CDH12: variants seen among roughly 807,000 people sequenced by gnomAD.
CDH12 encodes cadherin-12.
A neutral mutation model predicts 74.1 loss-of-function variants in CDH12; 41 were observed. The observed-to-expected ratio is 0.55, with a 90% CI of 0.43 to 0.72. The LOEUF is 0.72. CDH12 is among the 30% of genes least tolerant of loss of function. The pLI, the probability that CDH12 is intolerant of heterozygous loss-of-function variation, is 0.00. For synonymous variants in CDH12, 399 were observed against 355.0 expected (o/e 1.12, Z -1.39); for missense variants, 945 against 977.2 (o/e 0.97, Z 0.44).
intron 6 of CDH12, among the ~76,000 whole-genome samples, chr5:21,898,388 C>T (rs192939695): frequency 3.5e-4 from 53 of 152,070 alleles, no homozygotes; most frequent in Non-Finnish European, 7.2e-4. Context: ...TGCACTCAAC[C>T]TAAAATTTCT....
At chr5:22,245,119 T>C (rs1044969075) in intron 3 of CDH12, among the ~76,000 whole-genome samples, 15 of 152,300 alleles carry the variant, frequency 9.8e-5, no homozygotes, top group Middle Eastern at 3.4e-3. Flanking sequence ...TAGGGCCTTA[T>C]TGATTATAGT....
rs569387760 is a variant in CDH12 at position 22,815,140 on chromosome 5, T to C, written c.-523+37918A>G. 3.9e-5 allele frequency among the ~76,000 whole-genome samples: 6 copies of C among 152,214 alleles called. No homozygotes were observed. The East Asian group carries it at 5.8e-4, about 15-fold the overall frequency. On this transcript the variant is annotated intron_variant, in intron 1 of 14. Coordinates refer to ENST00000382254, the MANE Select transcript of CDH12 (RefSeq NM_004061.5). The stretch of plus-strand genomic sequence containing the variant: ...AGATCCTGGAATTAGTTGGCGATGA[T>C]CACATGCAACTCTTGTTCAGCAAAG...
At chr5:21,872,802 C>G (rs1399053708) in intron 6 of CDH12, among the ~76,000 whole-genome samples, 1 of 151,024 alleles carries the variant, frequency 6.6e-6, no homozygotes, top group Non-Finnish European at 1.5e-5. Context: ...ATCTATCTAT[C>G]TATCTATCTA....
chr5:22,245,911 A>T (rs180941765), intron 3 of CDH12, among the ~76,000 whole-genome samples: 46 of 152,274 alleles, frequency 3.0e-4, no homozygotes, highest in African/African-American at 1.1e-3. Flanking sequence ...TAAGAATGGT[A>T]GAAAGATTTA....
chr5:22,723,862 T>C (rs1744023340), intron 1 of CDH12, among the ~76,000 whole-genome samples: 1 of 152,008 alleles, frequency 6.6e-6, no homozygotes, highest in Non-Finnish European at 1.5e-5. Flanking sequence ...CTGACAGAGA[T>C]GGAAGATAGT....
intron 5 of CDH12, among the ~76,000 whole-genome samples, chr5:22,017,993 A>G (rs1737709939): frequency 6.6e-6 from 1 of 152,086 alleles, no homozygotes; most frequent in Non-Finnish European, 1.5e-5. Flanking sequence ...TCCCGACCTC[A>G]GGTGATCCGC....
intron 3 of CDH12, among the ~76,000 whole-genome samples, chr5:22,391,948 G>A (rs1742265886): frequency 6.6e-6 from 1 of 152,154 alleles, no homozygotes; most frequent in South Asian, 2.1e-4. Flanking sequence ...CAGAGAACTT[G>A]AGATTTAAGC....
At chr5:22,543,122 T>A (rs1402154433) in intron 1 of CDH12, among the ~76,000 whole-genome samples, 1 of 152,128 alleles carries the variant, frequency 6.6e-6, no homozygotes, top group East Asian at 1.9e-4. Flanking sequence ...AAACAAGTTA[T>A]CTTTTGGTCA....
At chr5:22,764,072 G>C (rs1265585049) in intron 1 of CDH12, among the ~76,000 whole-genome samples, 1 of 135,766 alleles carries the variant, frequency 7.4e-6, no homozygotes, top group Non-Finnish European at 1.6e-5. Flanking sequence ...GTAAATACAC[G>C]TGCTTTTTAC....
intron 1 of CDH12, among the ~76,000 whole-genome samples, chr5:22,652,424 T>A (rs559843742): frequency 6.6e-5 from 10 of 152,264 alleles, no homozygotes; most frequent in Non-Finnish European, 1.5e-4. Context: ...GATTACATAC[T>A]CTAGAACCAG....
At chr5:22,160,298 T>C (rs1417633661) in intron 4 of CDH12, among the ~76,000 whole-genome samples, 1 of 152,186 alleles carries the variant, frequency 6.6e-6, no homozygotes, top group Non-Finnish European at 1.5e-5. Flanking sequence ...GCTTTGGATA[T>C]GTTAGATGTG....
chr5:21,904,929 A>T (rs1176940076), intron 6 of CDH12, among the ~76,000 whole-genome samples: 1 of 152,238 alleles, frequency 6.6e-6, no homozygotes, highest in Non-Finnish European at 1.5e-5. Flanking sequence ...CTAAGGACAT[A>T]GAAAAGTCCC....
At chr5:22,152,102 A>G (rs1355166600) in intron 4 of CDH12, 1 of 152,044 alleles carries the variant, frequency 6.6e-6, no homozygotes, top group Admixed American at 6.6e-5. Flanking sequence ...ATTCCTCTAT[A>G]GCCCATCCGT....
intron 3 of CDH12, among the ~76,000 whole-genome samples, chr5:22,228,125 C>G (rs1057400965): frequency 1.1e-4 from 17 of 151,856 alleles, no homozygotes; most frequent in African/African-American, 3.6e-4. Flanking sequence ...TTTATGAAGA[C>G]AAAATGAGCT....
chr5:22,516,171 T>C (rs982811204), intron 1 of CDH12, among the ~76,000 whole-genome samples: 4 of 152,072 alleles, frequency 2.6e-5, no homozygotes, highest in Non-Finnish European at 5.9e-5. Flanking sequence ...ATGTCACAAA[T>C]GGCCAATGTT....
chr5:21,874,557 G>A (rs777981264), intron 6 of CDH12, among the ~76,000 whole-genome samples: 2 of 152,182 alleles, frequency 1.3e-5, no homozygotes, highest in Non-Finnish European at 2.9e-5. Flanking sequence ...CCAGGCATTT[G>A]AGCAGGGAGT....
intron 2 of CDH12, among the ~76,000 whole-genome samples, chr5:22,421,341 C>A (rs559981359): frequency 2.2e-4 from 34 of 152,240 alleles, no homozygotes; most frequent in African/African-American, 8.2e-4. Flanking sequence ...CTCCCCTAAC[C>A]TGCACTCCCT....
chr5:22,584,980 T>C (rs934685350), intron 1 of CDH12, among the ~76,000 whole-genome samples: 1 of 152,230 alleles, frequency 6.6e-6, no homozygotes, highest in Non-Finnish European at 1.5e-5. Flanking sequence ...GGATAAATTA[T>C]TACTGTTTAA....
chr5:21,779,706 A>G (rs751986762), intron 11 of CDH12, among the ~76,000 whole-genome samples: 2 of 152,220 alleles, frequency 1.3e-5, no homozygotes, highest in Non-Finnish European at 2.9e-5. Context: ...GCAATAAGGT[A>G]TACTTAAGCA....
Sources: gnomAD v4.1 joint callset for allele counts (sites outside exome capture counted in the v4.1 genomes callset) on GRCh38, gnomAD v4.1.1 for gene constraint, MANE v1.5 for transcripts, NCBI Gene and HGNC (gene_info 2026-07-23, HGNC 2026-07-21) for gene names.